KIAA1328: variants seen among roughly 807,000 people sequenced by gnomAD.
KIAA1328 encodes the protein protein hinderin.
KIAA1328 carries 52 observed loss-of-function variants against 68.1 expected under a neutral mutation model. That is an observed-to-expected ratio of 0.76 (90% CI 0.61 to 0.96). The LOEUF is 0.96. Among genes scored for constraint, KIAA1328 ranks in the 40% least tolerant of loss-of-function variants. The pLI, the probability that KIAA1328 is intolerant of heterozygous loss-of-function variation, is 0.00. For synonymous variants in KIAA1328, 232 were observed against 239.4 expected, an observed-to-expected ratio of 0.97 and a Z score of 0.28; for missense variants, 641 against 677.6, an observed-to-expected ratio of 0.95 and a Z score of 0.60.
chr18:37,043,187 A>G (rs540882467), intron 6 of KIAA1328, among the ~76,000 whole-genome samples: 1 of 152,282 alleles, frequency 6.6e-6, no homozygotes, highest in South Asian at 2.1e-4. Flanking sequence ...ATCTTTCAAC[A>G]CATTTATTAT....
At chr18:37,152,385 G>A (rs1282733049) in intron 7 of KIAA1328, among the ~76,000 whole-genome samples, 1 of 152,106 alleles carries the variant, frequency 6.6e-6, no homozygotes, top group Non-Finnish European at 1.5e-5. Flanking sequence ...CCCTGGTATC[G>A]TCTCCAGATG....
Position 37,080,710 on chromosome 18 carries a change from G to T in KIAA1328, c.1232+13165G>T, listed in dbSNP as rs560759352. Among the ~76,000 whole-genome samples the T allele has an allele frequency of 1.0e-3, 151 of 151,476 alleles. 2 individuals are homozygous for T. Among genetic ancestry groups the T allele is most frequent in the African/African-American group, 3.6e-3 (149 of 41,308 alleles). ...GAATTGCTTGAACCTGGGAGACGGAGGTTGCAGTGCAGTGAGCCGAGATCG... is the reference window on the plus strand; with the variant it reads ...GAATTGCTTGAACCTGGGAGACGGATGTTGCAGTGCAGTGAGCCGAGATCG... On this transcript the variant is annotated intron_variant, in intron 7 of 9. Transcript: ENST00000280020.
intron 5 of KIAA1328, chr18:36,955,679 C>G (rs1598814553): frequency 6.6e-6 from 1 of 152,110 alleles, no homozygotes; most frequent in South Asian, 2.1e-4. Flanking sequence ...TACAGCACAA[C>G]AAGATGTTTC....
intron 7 of KIAA1328, among the ~76,000 whole-genome samples, chr18:37,067,953 T>G (rs1205293395): frequency 3.3e-5 from 5 of 152,184 alleles, no homozygotes; most frequent in African/African-American, 9.7e-5. Context: ...CAGAGGTTTT[T>G]CTGGATCTTG....
chr18:37,062,093 G>A (rs989144853), intron 6 of KIAA1328, among the ~76,000 whole-genome samples: 6 of 152,316 alleles, frequency 3.9e-5, no homozygotes, highest in African/African-American at 9.6e-5. Context: ...AGTGCAACAT[G>A]TTAGTGTAGA....
chr18:37,003,584 T>C (rs1331124546), intron 6 of KIAA1328, among the ~76,000 whole-genome samples: 4 of 152,182 alleles, frequency 2.6e-5, no homozygotes, highest in African/African-American at 9.6e-5. Flanking sequence ...AGAAGCTCTT[T>C]AGTTTAATTA....
rs1364452545 is a variant in KIAA1328 at position 37,082,108 on chromosome 18, A to ATATATACT, written c.1232+14565_1232+14572dup. ...ACACATAATCTCACGCTTTTTATAT[A>ATATATACT]TATATACTTTTAACTTTTATATATC... On this transcript the variant is annotated intron_variant, in intron 7 of 9. Transcript: ENST00000280020. Among the ~76,000 whole-genome samples the ATATATACT allele has an allele frequency of 2.7e-5, 4 of 149,264 alleles. No individual in the cohort carries two copies. In the East Asian group the frequency reaches 7.8e-4, roughly 29 times the overall value.
intron 5 of KIAA1328, among the ~76,000 whole-genome samples, chr18:36,897,969 A>G (rs1239274935): frequency 6.6e-6 from 1 of 152,032 alleles, no homozygotes; most frequent in African/African-American, 2.4e-5. Flanking sequence ...CTCAAATATG[A>G]TTTATCTCAA....
At chr18:37,207,588 C>A (rs1203516917) in intron 9 of KIAA1328, among the ~76,000 whole-genome samples, 1 of 152,122 alleles carries the variant, frequency 6.6e-6, no homozygotes, top group East Asian at 1.9e-4. Flanking sequence ...CTTTAACTGC[C>A]AGGTGGCAGC....
rs540611687 is a variant in KIAA1328, at chr18:37,117,383, A to T, written c.1233-42817A>T. Among the ~76,000 whole-genome samples, 30 of 152,316 alleles carry T rather than the reference A, an allele frequency of 2.0e-4. 1 individual carries two copies. The South Asian group carries it at 5.6e-3, about 28-fold the overall frequency. ...TAGAAACCATCATTCTGAGCAAACT[A>T]TCGCAAGGACAGGAAACCAAACACC... On this transcript the variant is annotated intron_variant, in intron 7 of 9. Transcript: ENST00000280020.
chr18:36,876,138 G>C (rs944108412), intron 4 of KIAA1328, among the ~76,000 whole-genome samples: 2 of 151,880 alleles, frequency 1.3e-5, no homozygotes, highest in African/African-American at 4.8e-5. Context: ...TTTTTTTGTT[G>C]CGTCTCTGCC....
intron 7 of KIAA1328, among the ~76,000 whole-genome samples, chr18:37,111,560 C>G (rs1395783758): frequency 3.3e-5 from 5 of 152,172 alleles, no homozygotes; most frequent in Admixed American, 6.5e-5. Flanking sequence ...ATTGGAGGTT[C>G]CAAAATGGCC....
chr18:37,138,205 C>G (rs1247298430), intron 7 of KIAA1328, among the ~76,000 whole-genome samples: 1 of 152,172 alleles, frequency 6.6e-6, no homozygotes, highest in African/African-American at 2.4e-5. Context: ...TTAATCCTCA[C>G]AACAACTCTG....
downstream of KIAA1328, chr18:37,231,285 A>G (rs72898333): frequency 0.13 from 19,434 of 151,132 alleles, 1,545 homozygotes; most frequent in Non-Finnish European, 0.17. Flanking sequence ...GTGTAGATTT[A>G]GGCAAGTTGC....
chr18:37,067,591 C>T lies in KIAA1328; in HGVS notation c.1232+46C>T, dbSNP rs555742502. On this transcript the variant is annotated intron_variant, in intron 7 of 9. Coordinates refer to ENST00000280020, the MANE Select transcript of KIAA1328 (RefSeq NM_020776.3). ...TTTTTTTTTTTTTGAGACGAAATCT[C>T]GCCCTGTTGCCCAGGCTGGAGTGTA... The T allele has an allele frequency of 1.1e-4, 154 of 1,441,358 alleles. 1 individual carries two copies. The African/African-American group carries it at 1.2e-3, about 12-fold the overall frequency. 89.3% of individuals were successfully genotyped at this position (1,441,358 alleles called of 1,614,324 possible). A position where few individuals can be genotyped will look rare whatever the true frequency, so the allele number is the denominator to read the frequency against.
rs145248146 is a variant in KIAA1328, at chr18:37,138,176, A to C, written c.1233-22024A>C. 6.3e-4 allele frequency among the ~76,000 whole-genome samples: 96 copies of C among 152,230 alleles called. 1 individual carries two copies. The highest frequency in any genetic ancestry group is 1.2e-3 in the Non-Finnish European group (79 of 68,026). ...GTATATGTGCTGAGCATTCTTTTAT[A>C]CATCTTATATTAATTCGTTTAATCC... On this transcript the variant is annotated intron_variant, in intron 7 of 9. Coordinates refer to ENST00000280020, the MANE Select transcript of KIAA1328 (RefSeq NM_020776.3).
chr18:36,864,587 G>A (rs1313229157), intron 4 of KIAA1328, among the ~76,000 whole-genome samples: 1 of 131,926 alleles, frequency 7.6e-6, no homozygotes, highest in Non-Finnish European at 1.6e-5. Flanking sequence ...TATCAAAGTG[G>A]TCAGTAGTTT....
chr18:36,944,020 C>G (rs2050804343), intron 5 of KIAA1328, among the ~76,000 whole-genome samples: 1 of 152,136 alleles, frequency 6.6e-6, no homozygotes, highest in Non-Finnish European at 1.5e-5. Flanking sequence ...AGCATTAACT[C>G]TTGTTATTTA....
intron 9 of KIAA1328, among the ~76,000 whole-genome samples, chr18:37,194,792 C>G (rs1414707768): frequency 6.6e-6 from 1 of 152,112 alleles, no homozygotes; most frequent in African/African-American, 2.4e-5. Flanking sequence ...TCCTGAGTAG[C>G]TGAGATGACA....
Sources: allele counts gnomAD v4.1 joint callset (sites outside exome capture counted in the v4.1 genomes callset), GRCh38; gene constraint gnomAD v4.1.1; transcripts MANE v1.5; gene names NCBI Gene and HGNC (gene_info 2026-07-23, HGNC 2026-07-21).